The following CACYBP variants were observed in gnomAD, a reference collection of about 807,000 sequenced individuals.
CACYBP encodes calcyclin binding protein.
In CACYBP, 11 loss-of-function variants were observed where a neutral mutation model predicts 29.6. That is an observed-to-expected ratio of 0.37 (90% CI 0.23 to 0.61). The LOEUF is 0.61. Among genes scored for constraint, CACYBP ranks in the 20% least tolerant of loss-of-function variants. CACYBP has a pLI of 0.65. For synonymous variants in CACYBP, 73 were observed against 88.3 expected (o/e 0.83, Z 0.97); for missense variants, 163 against 260.7 (o/e 0.63, Z 2.58).
chr1:174,999,660 G>GA, upstream of CACYBP: 1 of 233,804 alleles, frequency 4.3e-6, no homozygotes. Context: ...TGACTCTCTA[G>GA]TCAACTTCCG....
intron 5 of CACYBP, among the ~76,000 whole-genome samples, chr1:175,009,647 A>C (rs1672700486): frequency 6.6e-6 from 1 of 151,068 alleles, no homozygotes; most frequent in Non-Finnish European, 1.5e-5. Context: ...CTGTCTCAAA[A>C]AAAAAAAAAA....
intron 5 of CACYBP, 135 bp from the exon 6 acceptor site, chr1:175,009,788 G>A (rs911178114): frequency 1.9e-5 from 12 of 615,420 alleles, no homozygotes; most frequent in African/African-American, 9.3e-5. Flanking sequence ...TGTGCGTGCC[G>A]TTTTGATTGT....
At chr1:175,005,356 G>A (rs1672594828) in intron 2 of CACYBP, among the ~76,000 whole-genome samples, 1 of 152,180 alleles carries the variant, frequency 6.6e-6, no homozygotes, top group Non-Finnish European at 1.5e-5. Context: ...CTTCAATGGT[G>A]TATACAGTTT....
At chr1:175,004,096 G>A (rs1672558277) in intron 1 of CACYBP, among the ~76,000 whole-genome samples, 1 of 151,910 alleles carries the variant, frequency 6.6e-6, no homozygotes, top group Admixed American at 6.6e-5. Flanking sequence ...TTTATGTGAG[G>A]TATTTGAGGT....
chr1:175,007,222 A>G (rs1278932285), intron 4 of CACYBP, 25 bp downstream of exon 4: 3 of 1,382,144 alleles, frequency 2.2e-6, no homozygotes, highest in East Asian at 2.3e-5. Context: ...TTTGATTGTA[A>G]TATTGTGAAA....
At chr1:175,000,523 C>G (rs904071668) in intron 1 of CACYBP, 7 of 1,253,334 alleles carry the variant, frequency 5.6e-6, no homozygotes, top group Non-Finnish European at 7.0e-6. Flanking sequence ...GGTTTCCCAG[C>G]CAGTGGACAG....
intron 2 of CACYBP, 65 bp from the exon 3 acceptor site, chr1:175,006,680 C>A: frequency 1.3e-6 from 1 of 780,824 alleles, no homozygotes. Context: ...GAGCCATGTG[C>A]ATTTGCTGTT....
chr1:175,003,426 A>C (rs1672541477), intron 1 of CACYBP, among the ~76,000 whole-genome samples: 1 of 152,160 alleles, frequency 6.6e-6, no homozygotes, highest in African/African-American at 2.4e-5. Flanking sequence ...GCCAGAGTTG[A>C]ACTTTTTATA....
intron 1 of CACYBP, among the ~76,000 whole-genome samples, chr1:175,003,800 C>G (rs961607156): frequency 1.3e-5 from 2 of 152,198 alleles, no homozygotes; most frequent in African/African-American, 4.8e-5. Flanking sequence ...AATTTTCTAA[C>G]ATTGTCTTTA....
At chr1:175,005,072 T>A (rs1286463999) in intron 2 of CACYBP, 1 of 515,260 alleles carries the variant, frequency 1.9e-6, no homozygotes, top group Non-Finnish European at 3.5e-6. Context: ...AGGAACTTAT[T>A]CTGAAATTGT....
In CACYBP at chr1:175,011,804, T is replaced by C. The variant is rs747956458; in HGVS notation, c.*1725T>C. The C allele has an allele frequency of 6.6e-6, 1 of 152,156 alleles. No homozygotes were observed. Among genetic ancestry groups the C allele is most frequent in the Non-Finnish European group, 1.5e-5 (1 of 68,036 alleles). The allele number at this position is 152,156 out of a possible 1,614,324, so 9.4% of individuals were successfully genotyped here. A position where few individuals can be genotyped will look rare whatever the true frequency, so the allele number is the denominator to read the frequency against. On this transcript the variant is annotated 3_prime_UTR_variant, in exon 6 of 6. Coordinates refer to ENST00000367679, the MANE Select transcript of CACYBP (RefSeq NM_014412.3). ...GGAATGGAATGCAAAAGTTAAACTT[T>C]GGTTAACAAGAATATTTGGGCAGGT...
chr1:175,002,386 G>A (rs1254070336), intron 1 of CACYBP, among the ~76,000 whole-genome samples: 1 of 152,152 alleles, frequency 6.6e-6, no homozygotes, highest in African/African-American at 2.4e-5. Flanking sequence ...TGAAGATGTT[G>A]AGCATCTTTA....
chr1:175,005,244 C>T (rs1672590308), intron 2 of CACYBP, among the ~76,000 whole-genome samples: 1 of 152,160 alleles, frequency 6.6e-6, no homozygotes, highest in Non-Finnish European at 1.5e-5. Context: ...TGTGCTTTGA[C>T]TTACGGATAC....
In CACYBP at chr1:175,009,975, C is replaced by T; in HGVS notation, c.583C>T (p.Leu195=). The T allele has an allele frequency of 6.2e-7, 1 of 1,613,026 alleles. No individual in the cohort carries two copies. Among genetic ancestry groups the T allele is most frequent in the Non-Finnish European group, 8.5e-7 (1 of 1,179,224 alleles). Residue 195 remains leucine (L), a synonymous_variant, in exon 6 of 6, where the codon CTA becomes TTA. Transcript: ENST00000367679. ...TDPSEGLMNV[L]KKIYEDGDDD... ...TCCTAGTGAGGGATTGATGAATGTT[C>T]TAAAGAAAATTTATGAAGATGGAGA...
At chr1:175,000,975 A>G (rs1395754872) in intron 1 of CACYBP, among the ~76,000 whole-genome samples, 2 of 152,222 alleles carry the variant, frequency 1.3e-5, no homozygotes, top group Non-Finnish European at 2.9e-5. Context: ...GGAGGTGAAG[A>G]CGGGACAGTT....
At chr1:175,007,714 G>A (rs1405525979) in intron 4 of CACYBP, among the ~76,000 whole-genome samples, 1 of 152,148 alleles carries the variant, frequency 6.6e-6, no homozygotes, top group Non-Finnish European at 1.5e-5. Context: ...TATGTAAAGT[G>A]CTTAAATTAA....
intron 1 of CACYBP, among the ~76,000 whole-genome samples, chr1:175,003,110 CAG>C (rs1672531108): frequency 7.0e-6 from 1 of 143,604 alleles, no homozygotes; most frequent in Admixed American, 6.9e-5. Flanking sequence ...GAGGGTTGGG[CAG>C]AGTTGATTTT....
At chr1:175,009,085 T>C (rs1171583579) in intron 5 of CACYBP, among the ~76,000 whole-genome samples, 1 of 152,198 alleles carries the variant, frequency 6.6e-6, no homozygotes, top group Non-Finnish European at 1.5e-5. Flanking sequence ...TAATGACCTT[T>C]TAAAAATGTG....
At chr1:175,000,450 G>A (rs937716542) in intron 1 of CACYBP, 1 of 1,379,088 alleles carries the variant, frequency 7.3e-7, no homozygotes, top group South Asian at 1.6e-5. Context: ...CCGTGCAGGC[G>A]GTGCGGGGAG....
Sources: allele counts gnomAD v4.1 joint callset (sites outside exome capture counted in the v4.1 genomes callset), GRCh38; gene constraint gnomAD v4.1.1; transcripts MANE v1.5; gene names NCBI Gene and HGNC (gene_info 2026-07-23, HGNC 2026-07-21).